The following PDXDC1 variants were observed in gnomAD, a reference collection of about 807,000 sequenced individuals.
PDXDC1 encodes pyridoxal-dependent decarboxylase domain-containing protein 1.
In PDXDC1, 42 loss-of-function variants were observed where a neutral mutation model predicts 100.1. The ratio of observed to expected loss-of-function variants is 0.42; its 90% CI spans 0.33 to 0.54. The LOEUF is 0.54. Among genes scored for constraint, PDXDC1 ranks in the 20% least tolerant of loss-of-function variants. The probability of loss-of-function intolerance (pLI) is 0.10; values close to 1 mark genes in which losing one functional copy is unlikely to be tolerated. For missense variants in PDXDC1, 636 were observed against 979.2 expected (o/e 0.65, Z 4.68); for synonymous variants, 260 against 371.7 (o/e 0.70, Z 3.46).
At chr16:15,007,700 C>T (rs2040900484) in intron 6 of PDXDC1, among the ~76,000 whole-genome samples, 1 of 152,266 alleles carries the variant, frequency 6.6e-6, no homozygotes, top group Admixed American at 6.5e-5. Flanking sequence ...GAAATTATGT[C>T]CTCTTCTTGA....
At chr16:15,034,583 TG>T (rs1189392337) in intron 21 of PDXDC1, 30 bp downstream of exon 21, 1 of 1,531,466 alleles carries the variant, frequency 6.5e-7, no homozygotes, top group African/African-American at 1.4e-5. Context: ...TCCCAGGTCT[TG>T]CTGACCTTGG....
intron 16 of PDXDC1, among the ~76,000 whole-genome samples, chr16:15,122,233 T>C (rs543883920): frequency 8.7e-4 from 132 of 151,744 alleles, no homozygotes; most frequent in African/African-American, 2.9e-3. Context: ...TCACTTTGTT[T>C]TGGTCCGTTT....
chr16:15,036,005 C>G lies in PDXDC1; in HGVS notation c.2108-11C>G. The G allele has an allele frequency of 6.2e-7, 1 of 1,606,320 alleles. No individual in the cohort carries two copies. Among genetic ancestry groups the G allele is most frequent in the Non-Finnish European group, 8.5e-7 (1 of 1,176,006 alleles). On this transcript the variant is annotated splice_polypyrimidine_tract_variant and intron_variant, in intron 22 of 22. Transcript: ENST00000396410. ...CTGAGTTTCAGCGCAGTCTGTCTGC[C>G]CTTTCTGTAGGCCAGAAGCCTTTTA...
At chr16:15,047,556 G>A (rs1195635522) in intron 16 of PDXDC1, 36 of 1,598,658 alleles carry the variant, frequency 2.3e-5, no homozygotes, top group Non-Finnish European at 3.0e-5. Context: ...ATTACCTGAA[G>A]AACAAGGGTG....
intron 16 of PDXDC1, among the ~76,000 whole-genome samples, chr16:15,124,749 G>C (rs905174357): frequency 6.6e-6 from 1 of 152,114 alleles, no homozygotes; most frequent in African/African-American, 2.4e-5. Flanking sequence ...TCCAGCCTAG[G>C]CGACAGAGCG....
chr16:15,077,989 A>G (rs1480332153), intron 16 of PDXDC1, among the ~76,000 whole-genome samples: 1 of 152,252 alleles, frequency 6.6e-6, no homozygotes, highest in Non-Finnish European at 1.5e-5. Flanking sequence ...GAGCAGAAAA[A>G]TGATGAACTG....
intron 1 of PDXDC1, among the ~76,000 whole-genome samples, chr16:14,984,202 A>G (rs1262342286): frequency 6.7e-6 from 1 of 148,974 alleles, no homozygotes; most frequent in Non-Finnish European, 1.5e-5. Flanking sequence ...AAAAAGGTAC[A>G]GAGCATTTCT....
intron 12 of PDXDC1, among the ~76,000 whole-genome samples, chr16:15,020,091 G>A (rs1321606925): frequency 3.0e-5 from 4 of 131,314 alleles, no homozygotes; most frequent in African/African-American, 8.9e-5. Context: ...CAGCCTGGGT[G>A]ACAGAGCGAG....
intron 16 of PDXDC1, among the ~76,000 whole-genome samples, chr16:15,122,872 AG>A (rs1332888585): frequency 4.0e-5 from 3 of 75,828 alleles, no homozygotes; most frequent in Non-Finnish European, 6.2e-5. Context: ...GAGTAAGGGA[AG>A]GGAAAGGAGA....
At position 15,036,282 on chromosome 16, in the gene PDXDC1, T is replaced by G; in HGVS notation, c.*7T>G. 6.2e-7 allele frequency: 1 copy of G among 1,611,632 alleles called. No individual in the cohort carries two copies. The highest frequency in any genetic ancestry group is 8.5e-7 in the Non-Finnish European group (1 of 1,178,214). Reference sequence around the variant, plus strand: ...ACCGGAGAGCTTAAGATGAGACTCATTGTGTGGTTTGAGACTGTACTGAGT... The same window carrying G: ...ACCGGAGAGCTTAAGATGAGACTCAGTGTGTGGTTTGAGACTGTACTGAGT... On this transcript the variant is annotated 3_prime_UTR_variant, in exon 23 of 23. Coordinates refer to ENST00000396410, the MANE Select transcript of PDXDC1 (RefSeq NM_015027.4).
chr16:15,056,960 T>C (rs1345283761), intron 16 of PDXDC1, among the ~76,000 whole-genome samples: 1 of 152,136 alleles, frequency 6.6e-6, no homozygotes, highest in African/African-American at 2.4e-5. Context: ...GCCCCTAATC[T>C]GAGGACAGGT....
At chr16:15,111,977 T>C (rs971395408) in intron 16 of PDXDC1, among the ~76,000 whole-genome samples, 4 of 147,812 alleles carry the variant, frequency 2.7e-5, no homozygotes, top group Admixed American at 2.0e-4. Context: ...CTGGAGCATC[T>C]TTCTTCTGTC....
chr16:15,144,659 A>G, the PDXDC1 span, among the ~76,000 whole-genome samples: 1 of 152,202 alleles, frequency 6.6e-6, no homozygotes, highest in South Asian at 2.1e-4. Flanking sequence ...AACTGTTCCC[A>G]GGATGAGACG....
At chr16:15,083,431 G>T (rs2045785807) in intron 16 of PDXDC1, 22 of 1,567,974 alleles carry the variant, frequency 1.4e-5, no homozygotes, top group East Asian at 2.3e-5. Context: ...GACTGGAAAA[G>T]AAAGAAAAAG....
At chr16:14,991,177 G>A (rs1300710353) in intron 1 of PDXDC1, among the ~76,000 whole-genome samples, 49 of 152,224 alleles carry the variant, frequency 3.2e-4, no homozygotes, top group Non-Finnish European at 6.0e-4. Context: ...GTCATTACAC[G>A]GGATTTTAGT....
chr16:15,083,574 C>A, intron 16 of PDXDC1: 1 of 1,606,728 alleles, frequency 6.2e-7, no homozygotes, highest in Non-Finnish European at 8.5e-7. Context: ...CATGAGAAAC[C>A]ACGGTGTCCT....
At position 14,984,495 on chromosome 16, in the gene PDXDC1, A is replaced by ATT. The variant is rs1159521017; in HGVS notation, c.21+9292_21+9293dup. 8.5e-3 allele frequency among the ~76,000 whole-genome samples: 622 copies of ATT among 73,524 alleles called. 2 individuals carry two copies. Among genetic ancestry groups the ATT allele is most frequent in the South Asian group, 0.023 (43 of 1,854 alleles). The allele number at this position is 73,524 out of a possible 152,430, so 48.2% of individuals were successfully genotyped here. On this transcript the variant is annotated intron_variant, in intron 1 of 22. Coordinates refer to ENST00000396410, the MANE Select transcript of PDXDC1 (RefSeq NM_015027.4). ...TGTATACATATATATATATATATAT[A>ATT]TTTTTTTTTTTTTTTTTTCTGAGAC...
intron 16 of PDXDC1, chr16:15,070,281 C>G (rs771782763): frequency 3.1e-6 from 5 of 1,609,094 alleles, no homozygotes; most frequent in Non-Finnish European, 2.5e-6. Flanking sequence ...TTCAAGTCAA[C>G]TTTACACATC....
chr16:15,128,095 C>T (rs778076072), intron 16 of PDXDC1: 118 of 1,608,426 alleles, frequency 7.3e-5, no homozygotes, highest in Non-Finnish European at 8.9e-5. Context: ...TCTGCAGGTC[C>T]CTGATGATGA....
Sources: allele counts gnomAD v4.1 joint callset (sites outside exome capture counted in the v4.1 genomes callset), GRCh38; gene constraint gnomAD v4.1.1; transcripts MANE v1.5; gene names NCBI Gene and HGNC (gene_info 2026-07-23, HGNC 2026-07-21).